The following CMSS1 variants were observed in gnomAD, a reference collection of about 807,000 sequenced individuals.
The protein encoded by CMSS1 is protein CMSS1.
Under a neutral mutation model 43.5 loss-of-function variants are expected in CMSS1, and 33 were observed. The ratio of observed to expected loss-of-function variants is 0.76; its 90% CI spans 0.57 to 1.01. The LOEUF (loss-of-function observed/expected upper bound fraction) is 1.01. Ranked by LOEUF, CMSS1 falls within the 50% of genes least tolerant of loss-of-function variation. The pLI is 0.00. For synonymous variants in CMSS1, 115 were observed against 117.2 expected (o/e 0.98, Z 0.12); for missense variants, 313 against 326.4 (o/e 0.96, Z 0.32).
chr3:99,864,555 C>G (rs964494774), intron 1 of CMSS1, among the ~76,000 whole-genome samples: 1 of 152,158 alleles, frequency 6.6e-6, no homozygotes, highest in Non-Finnish European at 1.5e-5. Context: ...AGGCTACATG[C>G]CGGAAACCCC....
intron 1 of CMSS1, among the ~76,000 whole-genome samples, chr3:99,984,800 A>G (rs780125884): frequency 9.2e-5 from 14 of 152,228 alleles, no homozygotes; most frequent in Non-Finnish European, 1.9e-4. Context: ...TGATAAAATC[A>G]AGGATCATAT....
rs139416652 is a variant in CMSS1 at position 100,074,990 on chromosome 3, G to A, written c.65-71983G>A. Among the ~76,000 whole-genome samples the A allele has an allele frequency of 4.4e-3, 675 of 151,940 alleles. 7 individuals are homozygous for A. The highest frequency in any genetic ancestry group is 0.016 in the African/African-American group (660 of 41,438). On this transcript the variant is annotated intron_variant, in intron 1 of 9. Transcript: ENST00000421999. Reference sequence around the variant, plus strand: ...ATTACAGGCATGAGCCAACATGCCCGGCCTGATTTTCTTTTATAATAATGA... The same window carrying A: ...ATTACAGGCATGAGCCAACATGCCCAGCCTGATTTTCTTTTATAATAATGA...
chr3:100,054,102 C>T (rs2065420569), intron 1 of CMSS1, among the ~76,000 whole-genome samples: 2 of 152,166 alleles, frequency 1.3e-5, no homozygotes, highest in South Asian at 4.1e-4. Context: ...AAAAGCTGGC[C>T]AAGGGTCAAA....
At chr3:99,850,533 A>G (rs201150738) in intron 1 of CMSS1, 3 of 1,613,404 alleles carry the variant, frequency 1.9e-6, no homozygotes, top group African/African-American at 2.7e-5. Flanking sequence ...TCCCTTCCAT[A>G]TCTAGCACAC....
At chr3:99,924,259 G>A in intron 1 of CMSS1, 1 of 1,613,966 alleles carries the variant, frequency 6.2e-7, no homozygotes, top group East Asian at 2.2e-5. Context: ...GTAGGCATAT[G>A]AATTCATCAC....
chr3:100,026,632 G>C (rs908871197), intron 1 of CMSS1, among the ~76,000 whole-genome samples: 4 of 152,094 alleles, frequency 2.6e-5, no homozygotes, highest in African/African-American at 9.7e-5. Flanking sequence ...CTTCACTCCT[G>C]TCTTCCTTTC....
Position 99,982,862 on chromosome 3 carries a change from A to G in CMSS1, c.65-164111A>G, listed in dbSNP as rs146904196. Among the ~76,000 whole-genome samples the G allele has an allele frequency of 5.9e-5, 9 of 152,350 alleles. No individual in the cohort carries two copies. The East Asian group carries it at 1.7e-3, about 29-fold the overall frequency. On this transcript the variant is annotated intron_variant, in intron 1 of 9. Transcript: ENST00000421999. ...TAATTTATGCAGCAATAAAAAATAA[A>G]TAAATTCATATAATGTAGGCTTGCA...
At chr3:100,071,555 G>A (rs1472963785) in intron 1 of CMSS1, among the ~76,000 whole-genome samples, 3 of 152,136 alleles carry the variant, frequency 2.0e-5, no homozygotes, top group African/African-American at 7.2e-5. Flanking sequence ...AAGGGTGTGG[G>A]TCTTCTGTCC....
intron 1 of CMSS1, among the ~76,000 whole-genome samples, chr3:100,065,971 GA>G (rs1224083794): frequency 5.9e-5 from 9 of 152,196 alleles, no homozygotes; most frequent in Non-Finnish European, 2.9e-5. Context: ...TTCTGAATCA[GA>G]AACTCTGGGA....
At chr3:100,152,126 T>G (rs1012580171) in intron 2 of CMSS1, among the ~76,000 whole-genome samples, 2 of 152,102 alleles carry the variant, frequency 1.3e-5, no homozygotes, top group African/African-American at 4.8e-5. Context: ...TTATTAAGTC[T>G]CGAGGCCTAA....
chr3:100,050,493 G>A lies in CMSS1; in HGVS notation c.65-96480G>A, dbSNP rs145368284. ...ATCATAGTCATTTTCTGTTTTTTTAGAGGCATCTCTGTAAATTCCCACAAT... is the reference window on the plus strand; with the variant it reads ...ATCATAGTCATTTTCTGTTTTTTTAAAGGCATCTCTGTAAATTCCCACAAT... On this transcript the variant is annotated intron_variant, in intron 1 of 9. Coordinates refer to ENST00000421999, the MANE Select transcript of CMSS1 (RefSeq NM_032359.4). Among the ~76,000 whole-genome samples the A allele has an allele frequency of 7.2e-3, 1,100 of 152,066 alleles. 4 individuals carry two copies. Among genetic ancestry groups the A allele is most frequent in the African/African-American group, 0.01 (419 of 41,484 alleles).
chr3:100,158,727 A>G (rs529099188), intron 2 of CMSS1, among the ~76,000 whole-genome samples: 1 of 152,230 alleles, frequency 6.6e-6, no homozygotes, highest in East Asian at 1.9e-4. Flanking sequence ...TTTCCTGTGC[A>G]TGATTCAGAA....
intron 1 of CMSS1, among the ~76,000 whole-genome samples, chr3:99,992,455 C>T (rs1709552247): frequency 6.6e-6 from 1 of 151,924 alleles, no homozygotes; most frequent in Admixed American, 6.6e-5. Flanking sequence ...TTGTTGGCTG[C>T]TTGTATGTCT....
chr3:100,154,238 T>C (rs2066950058), intron 2 of CMSS1, among the ~76,000 whole-genome samples: 1 of 152,076 alleles, frequency 6.6e-6, no homozygotes, highest in African/African-American at 2.4e-5. Context: ...AGCTTTTTTA[T>C]TTTTTTTACA....
chr3:99,948,427 A>G (rs1448368263), intron 1 of CMSS1, among the ~76,000 whole-genome samples: 1 of 151,576 alleles, frequency 6.6e-6, no homozygotes, highest in East Asian at 1.9e-4. Flanking sequence ...AGTCCCATCT[A>G]CTCGTGAGGC....
intron 1 of CMSS1, among the ~76,000 whole-genome samples, chr3:100,016,262 G>A (rs567426450): frequency 2.7e-4 from 41 of 152,166 alleles, no homozygotes; most frequent in African/African-American, 9.1e-4. Context: ...GTGCGATCTC[G>A]GCTCACTGCA....
chr3:100,053,679 A>G (rs932688221), intron 1 of CMSS1, among the ~76,000 whole-genome samples: 2 of 152,222 alleles, frequency 1.3e-5, no homozygotes, highest in Non-Finnish European at 2.9e-5. Context: ...GAATCTTACT[A>G]CATTCTCTCA....
At chr3:99,896,867 A>G (rs1706272051) in intron 1 of CMSS1, among the ~76,000 whole-genome samples, 1 of 152,206 alleles carries the variant, frequency 6.6e-6, no homozygotes, top group East Asian at 1.9e-4. Flanking sequence ...AATAATTTTC[A>G]TAACAAATCA....
intron 1 of CMSS1, among the ~76,000 whole-genome samples, chr3:100,064,559 G>A (rs980720438): frequency 2.0e-5 from 3 of 152,180 alleles, no homozygotes; most frequent in Non-Finnish European, 4.4e-5. Context: ...ACTATTATAT[G>A]TAGAGAACTT....
Sources: gnomAD v4.1 joint callset for allele counts (sites outside exome capture counted in the v4.1 genomes callset) on GRCh38, gnomAD v4.1.1 for gene constraint, MANE v1.5 for transcripts, NCBI Gene and HGNC (gene_info 2026-07-23, HGNC 2026-07-21) for gene names.